Variants in SLC27A1 observed in about 807,000 individuals in gnomAD.
The protein encoded by SLC27A1 is solute carrier family 27 member 1.
SLC27A1 carries 61 observed loss-of-function variants against 62.2 expected under a neutral mutation model. The ratio of observed to expected loss-of-function variants is 0.98; its 90% CI spans 0.80 to 1.21. SLC27A1 has a LOEUF of 1.21. Ranked by LOEUF, SLC27A1 falls within the 50% of genes most tolerant of loss-of-function variation. SLC27A1 has a pLI of 0.00. For synonymous variants in SLC27A1, 435 were observed against 408.6 expected (o/e 1.06, Z -0.78); for missense variants, 903 against 932.1 (o/e 0.97, Z 0.41).
chr19:17,500,950 C>A, intron 10 of SLC27A1, 74 bp downstream of exon 10: 1 of 1,455,118 alleles, frequency 6.9e-7, no homozygotes, highest in South Asian at 1.4e-5. Context: ...CTTAGAAGTA[C>A]ACATGCCTTT....
intron 1 of SLC27A1, 28 bp downstream of exon 1, chr19:17,470,735 C>A: frequency 6.5e-7 from 1 of 1,546,938 alleles, no homozygotes; most frequent in Non-Finnish European, 8.7e-7. Flanking sequence ...CCGTCCAGGG[C>A]TGGGGGCGGG....
In SLC27A1 at chr19:17,486,451, C is replaced by T. The variant is rs1017863912; in HGVS notation, c.168-112C>T. 3.1e-6 allele frequency: 4 copies of T among 1,289,984 alleles called. No individual in the cohort carries two copies. In the African/African-American group the frequency reaches 4.5e-5, roughly 14 times the overall value. The allele number at this position is 1,289,984 out of a possible 1,614,324, so 79.9% of individuals were successfully genotyped here. Reference sequence around the variant, plus strand: ...CAGCCACCAAAAGTTTCACCATAGACCTCATCAAAGCCCCTGGCTGCCCTG... The same window carrying T: ...CAGCCACCAAAAGTTTCACCATAGATCTCATCAAAGCCCCTGGCTGCCCTG... On this transcript the variant is annotated intron_variant, in intron 1 of 11. Coordinates refer to ENST00000252595, the MANE Select transcript of SLC27A1 (RefSeq NM_198580.3). This position sits in a 1 kb window ranked among gnomAD's most constrained non-coding sequence, Gnocchi z 6.6.
intron 1 of SLC27A1, among the ~76,000 whole-genome samples, chr19:17,477,239 G>GTTTTTTTTTTTT (rs1368216587): frequency 8.2e-5 from 4 of 49,054 alleles, no homozygotes; most frequent in Non-Finnish European, 1.8e-4. Context: ...GATGAGCAGC[G>GTTTTTTTTTTTT]CTTTTTTTTT....
chr19:17,479,644 CT>C (rs1323821581), intron 1 of SLC27A1, among the ~76,000 whole-genome samples: 2 of 34,918 alleles, frequency 5.7e-5, no homozygotes, highest in Admixed American at 1.9e-4. Context: ...TTCTTTCTCC[CT>C]CTCTCTCTCA....
chr19:17,481,291 T>C, intron 1 of SLC27A1, among the ~76,000 whole-genome samples: 1 of 149,954 alleles, frequency 6.7e-6, no homozygotes, highest in Non-Finnish European at 1.5e-5. Context: ...TCCACGTTGC[T>C]CCAAAGCACA....
At position 17,501,254 on chromosome 19, in the gene SLC27A1, G is replaced by A. The variant is rs773426897; in HGVS notation, c.1637-19G>A. The stretch of plus-strand genomic sequence containing the variant: ...GAGGATGAGAGGCGGGGTGTCCTCA[G>A]CTGAGCCTCTGCCTCCAGGAGTGGA... On this transcript the variant is annotated intron_variant, in intron 10 of 11. Coordinates refer to ENST00000252595, the MANE Select transcript of SLC27A1 (RefSeq NM_198580.3). 7 of 1,611,350 alleles carry A rather than the reference G, an allele frequency of 4.3e-6. No individual in the cohort carries two copies. The highest frequency in any genetic ancestry group is 5.9e-6 in the Non-Finnish European group (7 of 1,179,336).
At position 17,497,237 on chromosome 19, in the gene SLC27A1, C is replaced by T; in HGVS notation, c.997-18C>T. 5 of 1,578,970 alleles carry T rather than the reference C, an allele frequency of 3.2e-6. No homozygotes were observed. Among genetic ancestry groups the T allele is most frequent in the Non-Finnish European group, 4.3e-6 (5 of 1,169,110 alleles). On this transcript the variant is annotated intron_variant, in intron 6 of 11. Transcript: ENST00000252595. ...CGCCTGCCGGTCCCATCACCCACTT[C>T]CTCACCCCGTCCCCCAGGTGGTTCA...
At chr19:17,497,088 A>G (rs1199189003) in intron 6 of SLC27A1, 167 bp from the exon 7 acceptor site, 5 of 557,664 alleles carry the variant, frequency 9.0e-6, no homozygotes, top group South Asian at 5.1e-5. Context: ...CTAGGAGTCA[A>G]TGTGGTCCCT....
intron 11 of SLC27A1, among the ~76,000 whole-genome samples, chr19:17,501,621 G>A (rs2075414250): frequency 6.6e-6 from 1 of 151,880 alleles, no homozygotes. Context: ...GGCTAACACA[G>A]TGAAACCCTG....
chr19:17,497,537 CT>C, intron 7 of SLC27A1, 73 bp downstream of exon 7: 2 of 1,362,910 alleles, frequency 1.5e-6, no homozygotes, highest in Non-Finnish European at 2.0e-6. Flanking sequence ...CCTGGGGCCC[CT>C]GGGATACATA....
In SLC27A1 at chr19:17,504,941, A is replaced by G. The variant is rs1386410383; in HGVS notation, c.*329A>G. On this transcript the variant is annotated 3_prime_UTR_variant, in exon 12 of 12. Transcript: ENST00000252595. ...AGAGTCTCACTCTGCTGCCCGGGCTAGAGTGCAGTGGTGGGATCTCGGCTC... is the reference window on the plus strand; with the variant it reads ...AGAGTCTCACTCTGCTGCCCGGGCTGGAGTGCAGTGGTGGGATCTCGGCTC... 6 of 461,502 alleles carry G rather than the reference A, an allele frequency of 1.3e-5. No homozygotes were observed. Among genetic ancestry groups the G allele is most frequent in the African/African-American group, 2.0e-5 (1 of 49,808 alleles). 28.6% of individuals were successfully genotyped at this position (461,502 alleles called of 1,614,324 possible).
intron 11 of SLC27A1, among the ~76,000 whole-genome samples, chr19:17,502,666 T>A (rs1282697560): frequency 1.3e-5 from 2 of 151,942 alleles, no homozygotes; most frequent in African/African-American, 4.8e-5. Context: ...GGTGTATCTT[T>A]TCTTTTTCTT....
intron 1 of SLC27A1, among the ~76,000 whole-genome samples, chr19:17,474,114 G>T (rs2144541485): frequency 6.6e-6 from 1 of 152,098 alleles, no homozygotes; most frequent in Admixed American, 6.6e-5. Context: ...AGCAGATTTT[G>T]TTTATTTTTT....
chr19:17,474,494 G>A (rs1348902269), intron 1 of SLC27A1, among the ~76,000 whole-genome samples: 32 of 152,120 alleles, frequency 2.1e-4, no homozygotes, highest in Non-Finnish European at 1.5e-5. Flanking sequence ...CTGGTTCTAA[G>A]TTCCTGACAT....
Position 17,500,303 on chromosome 19 carries a change from G to A in SLC27A1, c.1232G>A (p.Arg411His), listed in dbSNP as rs866732455. ...GTCGGCTCCTGTGGTTTCAACAGCCGCATCCTGCCCCACGTGTACCCCATC... is the reference window on the plus strand; with the variant it reads ...GTCGGCTCCTGTGGTTTCAACAGCCACATCCTGCCCCACGTGTACCCCATC... Reference protein sequence around the residue: ...GKVGSCGFNSRILPHVYPIRL... With the variant: ...GKVGSCGFNSHILPHVYPIRL... The change falls in exon 8 of 12, where the codon CGC (arginine) becomes CAC (histidine). Residue 411 changes from arginine to histidine, a missense_variant. Arg to His is a conservative substitution (Grantham distance 29, BLOSUM62 0). Coordinates refer to ENST00000252595, the MANE Select transcript of SLC27A1 (RefSeq NM_198580.3). 6.2e-6 allele frequency: 10 copies of A among 1,614,152 alleles called. No individual in the cohort carries two copies. In the Admixed American group the frequency reaches 1.0e-4, roughly 16 times the overall value.
At chr19:17,492,708 C>T (rs1333065127) in intron 6 of SLC27A1, among the ~76,000 whole-genome samples, 5 of 151,122 alleles carry the variant, frequency 3.3e-5, no homozygotes, top group East Asian at 3.9e-4. Context: ...GAGGCCGAGG[C>T]GGGTGGATCA....
intron 1 of SLC27A1, among the ~76,000 whole-genome samples, chr19:17,485,191 C>CTTTTTTTTTT (rs386388659): frequency 4.4e-4 from 46 of 104,982 alleles, no homozygotes; most frequent in Non-Finnish European, 7.1e-4. Flanking sequence ...TTTTTGTTTC[C>CTTTTTTTTTT]TTTTTTTTTT....
intron 1 of SLC27A1, among the ~76,000 whole-genome samples, chr19:17,480,059 ACT>A (rs1375265313): frequency 1.3e-5 from 2 of 151,340 alleles, no homozygotes; most frequent in African/African-American, 4.9e-5. Flanking sequence ...ACGGAGTCTC[ACT>A]CTGTCACCCA....
chr19:17,478,988 T>C (rs965120740), intron 1 of SLC27A1, among the ~76,000 whole-genome samples: 1 of 152,012 alleles, frequency 6.6e-6, no homozygotes, highest in Non-Finnish European at 1.5e-5. Flanking sequence ...TGGCAGCTAC[T>C]CAGGAGGCTG....
Sources: allele counts gnomAD v4.1 joint callset (sites outside exome capture counted in the v4.1 genomes callset), GRCh38; gene constraint gnomAD v4.1.1; non-coding constraint Gnocchi (gnomAD v3.1); transcripts MANE v1.5; gene names NCBI Gene and HGNC (gene_info 2026-07-23, HGNC 2026-07-21).